Variants in VWA5A observed in about 807,000 individuals in gnomAD.
VWA5A encodes the protein von Willebrand factor A domain containing 5A, also known as von Willebrand factor A domain-containing protein 5A.
Under a neutral mutation model 84.6 loss-of-function variants are expected in VWA5A, and 77 were observed. That is an observed-to-expected ratio of 0.91 (90% confidence interval 0.76 to 1.10). The LOEUF is 1.10. Ranked by LOEUF, VWA5A falls within the 50% of genes least tolerant of loss-of-function variation. The pLI, the probability that VWA5A is intolerant of heterozygous loss-of-function variation, is 0.00. For missense variants in VWA5A, 973 were observed against 963.0 expected (o/e 1.01, Z -0.14); for synonymous variants, 334 against 350.1 (o/e 0.95, Z 0.51).
intron 15 of VWA5A, 81 bp downstream of exon 15, chr11:124,137,349 G>C (rs977970403): frequency 6.6e-7 from 1 of 1,513,760 alleles, no homozygotes; most frequent in African/African-American, 1.4e-5. Flanking sequence ...GGAAAGGGCT[G>C]TGAAATGTTC....
chr11:124,135,026 C>T lies in VWA5A; in HGVS notation c.1351C>T (p.Gln451Ter), dbSNP rs765145117. 9 of 1,612,752 alleles carry T rather than the reference C, an allele frequency of 5.6e-6. No homozygotes were observed. The highest frequency in any genetic ancestry group is 2.7e-5 in the African/African-American group (2 of 74,908). Reference protein sequence around the residue: ...SEFITGKDRMQSKALRTLKRS... With the variant: ...SEFITGKDRM ...ATTTATCACAGGCAAAGACAGGATG[C>T]AGTCCAAGGTGAGGGACAGACTGAC... is the stretch of plus-strand genomic sequence containing the variant. The change falls in exon 12 of 19, where the codon CAG becomes TAG. Residue 451 changes from glutamine (Q) to a stop codon, truncating the protein, a stop_gained. Coordinates refer to ENST00000456829, the MANE Select transcript of VWA5A (RefSeq NM_001130142.2). LOFTEE classifies it high-confidence loss of function.
At chr11:124,129,829 A>G (rs1243652162) in intron 11 of VWA5A, among the ~76,000 whole-genome samples, 1 of 151,310 alleles carries the variant, frequency 6.6e-6, no homozygotes, top group Non-Finnish European at 1.5e-5. Flanking sequence ...CAGTGGTGAT[A>G]CTCCCTTTAT....
chr11:124,125,718 A>G (rs1205233735), intron 11 of VWA5A, among the ~76,000 whole-genome samples: 2 of 152,094 alleles, frequency 1.3e-5, no homozygotes, highest in African/African-American at 4.8e-5. Context: ...TATTTCTATT[A>G]GATTGATTTT....
At chr11:124,136,871 T>G (rs1273349933) in intron 14 of VWA5A, 144 bp from the exon 15 acceptor site, 1 of 1,259,066 alleles carries the variant, frequency 7.9e-7, no homozygotes, top group Non-Finnish European at 1.1e-6. Flanking sequence ...ACAATCATTT[T>G]TTATTTCTAA....
Position 124,136,651 on chromosome 11 carries a change from T to C in VWA5A, c.1602T>C (p.Pro534=). 6.2e-7 allele frequency: 1 copy of C among 1,614,056 alleles called. No individual in the cohort carries two copies. Among genetic ancestry groups the C allele is most frequent in the Admixed American group, 1.7e-5 (1 of 60,008 alleles). Residue 534 remains proline (P), a synonymous_variant, in exon 14 of 19, where the codon CCT becomes CCC. Coordinates refer to ENST00000456829, the MANE Select transcript of VWA5A (RefSeq NM_001130142.2). ...CTTTTGAGGATAAGGTGACATTTCC[T>C]CTACAACCCAAGCCTGATGTCAAGT... ...GKTFEDKVTF[P]LQPKPDVNLT...
chr11:124,120,846 T>C (rs1017966726), intron 7 of VWA5A, among the ~76,000 whole-genome samples: 5 of 152,242 alleles, frequency 3.3e-5, no homozygotes, highest in Non-Finnish European at 7.3e-5. Context: ...TCCATAATGT[T>C]GGATCTCAAA....
At chr11:124,121,945 A>G (rs1411382006) in intron 7 of VWA5A, among the ~76,000 whole-genome samples, 7 of 152,216 alleles carry the variant, frequency 4.6e-5, no homozygotes, top group Non-Finnish European at 8.8e-5. Context: ...TCGTATATCC[A>G]GACATCTGGA....
intron 14 of VWA5A, 25 bp from the exon 15 acceptor site, chr11:124,136,989 CA>C (rs1276538511): frequency 6.2e-7 from 1 of 1,602,516 alleles, no homozygotes; most frequent in African/African-American, 1.4e-5. Flanking sequence ...CCCTACATTT[CA>C]GTACTTTTTT....
Position 124,125,321 on chromosome 11 carries a change from C to T in VWA5A, c.1244+1005C>T, listed in dbSNP as rs372282091. Reference sequence around the variant, plus strand: ...TTCTTGAGATGGAGTCTCGCTCTTTCGCCCAGGCCGGACTGCAGTGGCGCT... The same window carrying T: ...TTCTTGAGATGGAGTCTCGCTCTTTTGCCCAGGCCGGACTGCAGTGGCGCT... On this transcript the variant is annotated intron_variant, in intron 11 of 18. Coordinates refer to ENST00000456829, the MANE Select transcript of VWA5A (RefSeq NM_001130142.2). Among the ~76,000 whole-genome samples, 23 of 149,310 alleles carry T rather than the reference C, an allele frequency of 1.5e-4. No homozygotes were observed. The East Asian group carries it at 3.9e-3, about 26-fold the overall frequency.
At position 124,123,047 on chromosome 11, in the gene VWA5A, T is replaced by C. The variant is rs1246110694; in HGVS notation, c.848T>C (p.Ile283Thr). ...CCATCAAATACCTGTGGAGAGTTTA[T>C]CTTTCTCATGGACCGCTCGGGAAGT... ...DQPSNTCGEF[I>T]FLMDRSGSMQ... is the part of the protein sequence containing the mutation. The change falls in exon 8 of 19, where the codon ATC (isoleucine) becomes ACC (threonine). Residue 283 changes from isoleucine to threonine, a missense_variant. By Grantham distance (89) the Ile-to-Thr change is moderately conservative. Coordinates refer to ENST00000456829, the MANE Select transcript of VWA5A (RefSeq NM_001130142.2). The C allele has an allele frequency of 1.2e-6, 2 of 1,614,158 alleles. No individual in the cohort carries two copies. The highest frequency in any genetic ancestry group is 1.7e-5 in the Admixed American group (1 of 60,024).
In VWA5A at chr11:124,146,168, C is replaced by T. The variant is rs918398294; in HGVS notation, c.*223C>T. 5 of 430,960 alleles carry T rather than the reference C, an allele frequency of 1.2e-5. No homozygotes were observed. The highest frequency in any genetic ancestry group is 4.6e-5 in the East Asian group (1 of 21,956). 26.7% of individuals were successfully genotyped at this position (430,960 alleles called of 1,614,324 possible). Reference sequence around the variant, plus strand: ...AGAAAAGTGACAGTGGTCCCAGAACCTATTCCCTTTCTTGAGGGAGTTCAA... The same window carrying T: ...AGAAAAGTGACAGTGGTCCCAGAACTTATTCCCTTTCTTGAGGGAGTTCAA... On this transcript the variant is annotated 3_prime_UTR_variant, in exon 19 of 19. Coordinates refer to ENST00000456829, the MANE Select transcript of VWA5A (RefSeq NM_001130142.2).
At position 124,141,739 on chromosome 11, in the gene VWA5A, C is replaced by T; in HGVS notation, c.2021C>T (p.Pro674Leu). 1 of 1,613,652 alleles carries T rather than the reference C, an allele frequency of 6.2e-7. No homozygotes were observed. Among genetic ancestry groups the T allele is most frequent in the Non-Finnish European group, 8.5e-7 (1 of 1,179,840 alleles). ...GLISHKDQHS[P>L]GFGENHLVQL... The stretch of plus-strand genomic sequence containing the variant: ...ATAAGTCACAAGGACCAGCACAGTC[C>T]AGGTGAGTACCTTTATAGGAACATT... Residue 674 changes from proline (P) to leucine (L), a missense_variant and splice_region_variant, in exon 16 of 19, where the codon CCA becomes CTA. Coordinates refer to ENST00000456829, the MANE Select transcript of VWA5A (RefSeq NM_001130142.2).
chr11:124,137,409 G>A, intron 15 of VWA5A, 141 bp downstream of exon 15: 1 of 1,212,180 alleles, frequency 8.2e-7, no homozygotes, highest in Non-Finnish European at 1.1e-6. Context: ...TTTCTGGTTA[G>A]TGTTAAATTT....
Position 124,145,315 on chromosome 11 carries a change from T to G in VWA5A, c.2233T>G (p.Trp745Gly), listed in dbSNP as rs1435905420. 6.2e-7 allele frequency: 1 copy of G among 1,613,880 alleles called. No homozygotes were observed. The highest frequency in any genetic ancestry group is 8.5e-7 in the Non-Finnish European group (1 of 1,179,864). ...HSNGKDLKCE[W>G]ELLERKAVAW... ...CAATGGTAAGGACTTGAAGTGTGAA[T>G]GGGAGCTTCTGGAAAGGAAGGCCGT... The change falls in exon 18 of 19, where the codon TGG becomes GGG. Residue 745 changes from tryptophan to glycine, a missense_variant. Physicochemically the swap from Trp to Gly is radical, Grantham distance 184. Coordinates refer to ENST00000456829, the MANE Select transcript of VWA5A (RefSeq NM_001130142.2).
rs752435277 is a variant in VWA5A at position 124,124,320 on chromosome 11, G to A, written c.1244+4G>A. ...GGATCAACAGACAGAAACACAGGTA[G>A]GAAGAAAATGTGATTTCCGGGTGAT... On this transcript the variant is annotated splice_donor_region_variant and intron_variant, in intron 11 of 18. Transcript: ENST00000456829. 26 of 1,613,622 alleles carry A rather than the reference G, an allele frequency of 1.6e-5. No individual in the cohort carries two copies. The East Asian group carries it at 3.1e-4, about 19-fold the overall frequency.
At chr11:124,117,385 C>T (rs1864848236) in intron 2 of VWA5A, 112 bp from the exon 3 acceptor site, 5 of 1,077,028 alleles carry the variant, frequency 4.6e-6, no homozygotes, top group East Asian at 4.7e-5. Context: ...TTCCTAACTC[C>T]AACATTAACC....
At chr11:124,136,504 T>C (rs1000456257) in intron 13 of VWA5A, 70 bp from the exon 14 acceptor site, 10 of 1,531,530 alleles carry the variant, frequency 6.5e-6, no homozygotes, top group Non-Finnish European at 9.0e-6. Context: ...TACCTGCCCC[T>C]GTTCTGATCC....
chr11:124,135,161 AG>A, intron 12 of VWA5A, 127 bp downstream of exon 12: 1 of 642,026 alleles, frequency 1.6e-6, no homozygotes, highest in Non-Finnish European at 2.5e-6. Context: ...TATATCCCCA[AG>A]GCCTTAGGCT....
rs769907040 is a variant in VWA5A at position 124,117,676 on chromosome 11, C to T, written c.47C>T (p.Pro16Leu). The T allele has an allele frequency of 1.1e-5, 17 of 1,614,046 alleles. No individual in the cohort carries two copies. Among genetic ancestry groups the T allele is most frequent in the African/African-American group, 6.7e-5 (5 of 74,904 alleles). The change falls in exon 4 of 19, where the codon CCG (proline) becomes CTG (leucine). Residue 16 changes from proline to leucine, a missense_variant. Pro to Leu is a moderately conservative substitution (Grantham distance 98). Coordinates refer to ENST00000456829, the MANE Select transcript of VWA5A (RefSeq NM_001130142.2). ...GLLTLHREPV[P>L]LKSISVSVNI... ...TTGAACTCTGGTCTATCTCCAGTGC[C>T]GCTGAAGAGTATCTCTGTGAGCGTG...
Sources: allele counts gnomAD v4.1 joint callset (sites outside exome capture counted in the v4.1 genomes callset), GRCh38; gene constraint gnomAD v4.1.1; transcripts MANE v1.5; gene names NCBI Gene and HGNC (gene_info 2026-07-23, HGNC 2026-07-21).